The following NCAM2 variants were observed in gnomAD, a reference collection of about 807,000 sequenced individuals.
NCAM2 encodes neural cell adhesion molecule 2.
In NCAM2, 30 loss-of-function variants were observed where a neutral mutation model predicts 98.1. The observed-to-expected ratio is 0.31, with a 90% CI of 0.23 to 0.41. The LOEUF is 0.41. Ranked by LOEUF, NCAM2 falls within the 10% of genes least tolerant of loss-of-function variation. NCAM2 has a pLI of 1.00. For missense variants in NCAM2, 867 were observed against 1,005.8 expected (o/e 0.86, Z 1.87); for synonymous variants, 368 against 342.4 (o/e 1.07, Z -0.83).
chr21:21,128,758 T>C (rs1048708243), intron 1 of NCAM2, among the ~76,000 whole-genome samples: 8 of 152,122 alleles, frequency 5.3e-5, no homozygotes, highest in Non-Finnish European at 1.2e-4. Flanking sequence ...GTTAAGAAAT[T>C]ATTTGACGTC....
chr21:21,077,609 A>G (rs556437711), intron 1 of NCAM2, among the ~76,000 whole-genome samples: 1 of 152,284 alleles, frequency 6.6e-6, no homozygotes, highest in Non-Finnish European at 1.5e-5. Flanking sequence ...AGTAAAAACT[A>G]AAGAGAAGTA....
At chr21:21,459,696 A>G (rs1982680309) in intron 12 of NCAM2, among the ~76,000 whole-genome samples, 1 of 151,690 alleles carries the variant, frequency 6.6e-6, no homozygotes, top group South Asian at 2.1e-4. Flanking sequence ...TCATAGAAGC[A>G]GTGAGTAAAA....
intron 9 of NCAM2, among the ~76,000 whole-genome samples, chr21:21,408,393 T>C (rs536621046): frequency 2.6e-5 from 4 of 152,202 alleles, no homozygotes; most frequent in Non-Finnish European, 4.4e-5. Context: ...CAGTTTTTGT[T>C]ATTAAAATAA....
At chr21:21,492,147 C>T (rs1250530490) in intron 15 of NCAM2, among the ~76,000 whole-genome samples, 1 of 151,678 alleles carries the variant, frequency 6.6e-6, no homozygotes, top group African/African-American at 2.4e-5. Context: ...TTTATTATAT[C>T]AACAAACTGA....
At chr21:21,061,976 T>C (rs9984158) in intron 1 of NCAM2, among the ~76,000 whole-genome samples, 32,614 of 152,056 alleles carry the variant, frequency 0.21, 4,000 homozygotes, top group African/African-American at 0.32. Flanking sequence ...TAGCATAGAA[T>C]TGACTTTAAA....
chr21:21,283,973 T>C (rs1482970590), intron 2 of NCAM2, among the ~76,000 whole-genome samples: 1 of 152,074 alleles, frequency 6.6e-6, no homozygotes. Context: ...AACTTTTAGG[T>C]ATTGCTTACT....
chr21:21,373,948 G>A lies in NCAM2; in HGVS notation c.1130G>A (p.Arg377Lys). 6.2e-7 allele frequency: 1 copy of A among 1,611,092 alleles called. No homozygotes were observed. The highest frequency in any genetic ancestry group is 8.5e-7 in the Non-Finnish European group (1 of 1,178,204). Residue 377 changes from arginine to lysine, a missense_variant, in exon 9 of 18, where the codon AGA becomes AAA. This residue lies in a region of NCAM2 where 447 missense variants were observed against 495.7 expected (regional missense o/e 0.90). Transcript: ENST00000400546. ...IKDVKLSDSG[R>K]YDCEAASRIG... ...GATGTGAAGTTGTCAGATTCAGGGA[G>A]ATATGACTGTGAAGCTGCAAGCAGA...
intron 5 of NCAM2, among the ~76,000 whole-genome samples, chr21:21,314,735 A>C (rs1428587672): frequency 4.6e-5 from 7 of 151,292 alleles, no homozygotes; most frequent in African/African-American, 1.5e-4. Context: ...TCTCTCTGTC[A>C]ATCAATTCAG....
chr21:21,329,922 G>T (rs1309139719), intron 6 of NCAM2, among the ~76,000 whole-genome samples: 2 of 151,900 alleles, frequency 1.3e-5, no homozygotes, highest in Non-Finnish European at 2.9e-5. Context: ...CTTTTAAATG[G>T]TATTTACTGG....
At chr21:21,210,732 T>A in intron 1 of NCAM2, 1 of 985,558 alleles carries the variant, frequency 1.0e-6, no homozygotes, top group South Asian at 1.7e-5. Flanking sequence ...CTATAAGGAA[T>A]GTCAAAATGT....
chr21:21,268,915 T>C (rs907085873), intron 1 of NCAM2, among the ~76,000 whole-genome samples: 1 of 152,122 alleles, frequency 6.6e-6, no homozygotes, highest in Non-Finnish European at 1.5e-5. Flanking sequence ...ATCTAACTAA[T>C]CTAACTATGG....
At chr21:21,331,561 C>CTCTCTCTCTCTCTA (rs1200241922) in intron 6 of NCAM2, among the ~76,000 whole-genome samples, 2 of 7,026 alleles carry the variant, frequency 2.8e-4, no homozygotes, top group Non-Finnish European at 5.7e-4. Context: ...TATATATACT[C>CTCTCTCTCTCTCTA]TATATACATA....
intron 1 of NCAM2, among the ~76,000 whole-genome samples, chr21:21,032,592 A>G (rs1601151567): frequency 1.3e-5 from 2 of 152,192 alleles, no homozygotes; most frequent in Admixed American, 6.5e-5. Context: ...AAACCTTTCC[A>G]TATTTCACAT....
chr21:21,287,210 C>A (rs547699271), intron 4 of NCAM2, among the ~76,000 whole-genome samples: 64 of 151,982 alleles, frequency 4.2e-4, no homozygotes, highest in African/African-American at 1.5e-3. Flanking sequence ...ATAATTGAAT[C>A]TTTTAAAGTA....
At chr21:21,277,242 T>G (rs2826763) in intron 1 of NCAM2, among the ~76,000 whole-genome samples, 110,728 of 151,934 alleles carry the variant, frequency 0.73, 40,535 homozygotes, top group South Asian at 0.82. Context: ...ATTCTGCCAT[T>G]CATTCATATA....
chr21:21,051,761 T>C (rs1298543849), intron 1 of NCAM2, among the ~76,000 whole-genome samples: 1 of 152,220 alleles, frequency 6.6e-6, no homozygotes, highest in Non-Finnish European at 1.5e-5. Flanking sequence ...CCAAATTTAC[T>C]TTCTGGAGTC....
At chr21:21,170,966 A>G (rs780903126) in intron 1 of NCAM2, among the ~76,000 whole-genome samples, 4 of 152,098 alleles carry the variant, frequency 2.6e-5, no homozygotes, top group Non-Finnish European at 5.9e-5. Context: ...AAATGTTACG[A>G]GTTGTGAACT....
At chr21:21,176,262 C>A (rs1330303831) in intron 1 of NCAM2, among the ~76,000 whole-genome samples, 1 of 152,034 alleles carries the variant, frequency 6.6e-6, no homozygotes, top group Non-Finnish European at 1.5e-5. Flanking sequence ...CATTATAAGC[C>A]TGTATTGATA....
At chr21:21,076,317 A>G (rs958762266) in intron 1 of NCAM2, among the ~76,000 whole-genome samples, 4 of 152,162 alleles carry the variant, frequency 2.6e-5, no homozygotes, top group Non-Finnish European at 5.9e-5. Flanking sequence ...AACTTAAACA[A>G]AAAGCATGTT....
Sources: gnomAD v4.1 joint callset for allele counts (sites outside exome capture counted in the v4.1 genomes callset) on GRCh38, gnomAD v4.1.1 for gene constraint, gnomAD v4.1.1 regional missense constraint, MANE v1.5 for transcripts, NCBI Gene and HGNC (gene_info 2026-07-23, HGNC 2026-07-21) for gene names.